Variants in ZNF292 observed in about 807,000 individuals in gnomAD.
ZNF292 encodes 16 zinc-finger domain protein.
Under a neutral mutation model 217.9 loss-of-function variants are expected in ZNF292, and 26 were observed. The observed-to-expected ratio is 0.12, with a 90% CI of 0.09 to 0.17. The LOEUF is 0.17. ZNF292 is among the 10% of genes least tolerant of loss of function. ZNF292 has a pLI of 1.00. For missense variants in ZNF292, 2,904 were observed against 3,175.2 expected, an observed-to-expected ratio of 0.91 and a Z score of 2.05; for synonymous variants, 1,257 against 1,124.1, an observed-to-expected ratio of 1.12 and a Z score of -2.37.
At chr6:87,226,844 A>G (rs922530743) in intron 4 of ZNF292, among the ~76,000 whole-genome samples, 4 of 151,518 alleles carry the variant, frequency 2.6e-5, no homozygotes, top group African/African-American at 9.7e-5. Context: ...ATGCCCAGCT[A>G]ATTTTTTATA....
chr6:87,186,757 G>T (rs1185178276), intron 1 of ZNF292, among the ~76,000 whole-genome samples: 1 of 152,172 alleles, frequency 6.6e-6, no homozygotes, highest in South Asian at 2.1e-4. Context: ...AAACAGGCAG[G>T]GAAGTACAGG....
At chr6:87,222,778 C>G (rs1194036800) in intron 4 of ZNF292, 4 of 451,158 alleles carry the variant, frequency 8.9e-6, no homozygotes, top group South Asian at 6.2e-5. Flanking sequence ...AGGATTCCAT[C>G]CAGGATACCA....
At position 87,259,829 on chromosome 6, in the gene ZNF292, G is replaced by A. The variant is rs772403205; in HGVS notation, c.6200G>A (p.Cys2067Tyr). 1 of 1,612,304 alleles carries A rather than the reference G, an allele frequency of 6.2e-7. No homozygotes were observed. The highest frequency in any genetic ancestry group is 1.7e-4 in the Middle Eastern group (1 of 6,056). ...GTGATTACAGTTACTTCAGAACAAT[G>A]TAATACAAATGCACTCACAAACACA... ...LQVITVTSEQ[C>Y]NTNALTNTQT... The change falls in exon 8 of 8, where the codon TGT becomes TAT. Residue 2067 changes from cysteine (C) to tyrosine (Y), a missense_variant. Coordinates refer to ENST00000369577, the MANE Select transcript of ZNF292 (RefSeq NM_015021.3).
chr6:87,245,681 G>A (rs773039182), intron 7 of ZNF292, 37 bp downstream of exon 7: 8 of 1,278,714 alleles, frequency 6.3e-6, no homozygotes, highest in South Asian at 3.1e-5. Flanking sequence ...GTTAAAATGT[G>A]TACATTATCA....
chr6:87,256,124 G>A lies in ZNF292; in HGVS notation c.2495G>A (p.Ser832Asn). Reference sequence around the variant, plus strand: ...CTGGAAAAGCATCTGGATGATCACAGTACTCCTCCTGAAAAAGTGCTGCCT... The same window carrying A: ...CTGGAAAAGCATCTGGATGATCACAATACTCCTCCTGAAAAAGTGCTGCCT... ...GELEKHLDDHSTPPEKVLPPE... is the reference protein window; with the variant it reads ...GELEKHLDDHNTPPEKVLPPE... Residue 832 changes from serine to asparagine, a missense_variant, in exon 8 of 8, where the codon AGT becomes AAT. Transcript: ENST00000369577. 1 of 1,613,658 alleles carries A rather than the reference G, an allele frequency of 6.2e-7. No homozygotes were observed. The highest frequency in any genetic ancestry group is 8.5e-7 in the Non-Finnish European group (1 of 1,179,766).
Position 87,259,760 on chromosome 6 carries a change from T to G in ZNF292, c.6131T>G (p.Leu2044Arg), listed in dbSNP as rs1775454582. 6.2e-7 allele frequency: 1 copy of G among 1,602,400 alleles called. No individual in the cohort carries two copies. The highest frequency in any genetic ancestry group is 8.5e-7 in the Non-Finnish European group (1 of 1,174,306). The part of the protein sequence containing the change: ...SNVAVIPEKQ[L>R]VEKKSPDKTE... The stretch of plus-strand genomic sequence containing the variant: ...GTAGCAGTGATCCCAGAAAAACAAC[T>G]TGTAGAAAAAAAAAGTCCTGACAAA... Residue 2044 changes from leucine to arginine, a missense_variant, in exon 8 of 8, where the codon CTT (leucine) becomes CGT (arginine). This residue lies in a region of ZNF292 where 261 missense variants were observed against 272.8 expected (regional missense o/e 0.96). Coordinates refer to ENST00000369577, the MANE Select transcript of ZNF292 (RefSeq NM_015021.3).
At chr6:87,254,572 A>G in intron 7 of ZNF292, 78 bp from the exon 8 acceptor site, 1 of 1,376,160 alleles carries the variant, frequency 7.3e-7, no homozygotes, top group South Asian at 1.4e-5. Flanking sequence ...AACAAATCTC[A>G]ATCTTAACTA....
intron 1 of ZNF292, among the ~76,000 whole-genome samples, chr6:87,194,221 A>G (rs1771896368): frequency 6.6e-6 from 1 of 152,212 alleles, no homozygotes. Context: ...AGGGAAAAGA[A>G]AGGGGAGATT....
chr6:87,264,675 C>A lies in ZNF292; in HGVS notation c.*2874C>A, dbSNP rs554415951. ...TAATTGCGGTATTGCCAGTGGGCCA[C>A]TTGGAAAGATAGGAAGTTGAAGAAG... On this transcript the variant is annotated 3_prime_UTR_variant, in exon 8 of 8. Transcript: ENST00000369577. Among the ~76,000 whole-genome samples the A allele has an allele frequency of 1.3e-5, 2 of 152,164 alleles. No homozygotes were observed. Among genetic ancestry groups the A allele is most frequent in the South Asian group, 4.1e-4 (2 of 4,826 alleles).
At chr6:87,244,289 A>G (rs1361994541) in intron 6 of ZNF292, among the ~76,000 whole-genome samples, 6 of 152,244 alleles carry the variant, frequency 3.9e-5, no homozygotes, top group Non-Finnish European at 5.9e-5. Context: ...GAGCCTCGTT[A>G]TGAAGGAAAA....
intron 1 of ZNF292, among the ~76,000 whole-genome samples, chr6:87,170,958 T>C (rs1771076623): frequency 6.6e-6 from 1 of 152,214 alleles, no homozygotes; most frequent in South Asian, 2.1e-4. Context: ...CATTTACACT[T>C]AGACTACTTT....
intron 5 of ZNF292, among the ~76,000 whole-genome samples, chr6:87,235,351 C>A (rs1277031823): frequency 1.3e-5 from 2 of 152,108 alleles, no homozygotes; most frequent in Non-Finnish European, 2.9e-5. Context: ...GTTCATCTGA[C>A]CTCCCTTCCC....
rs369791289 is a variant in ZNF292, at chr6:87,258,713, A to G, written c.5084A>G (p.Asn1695Ser). 6.4e-5 allele frequency: 104 copies of G among 1,613,242 alleles called. No individual in the cohort carries two copies. The highest frequency in any genetic ancestry group is 8.4e-5 in the Non-Finnish European group (99 of 1,179,618). ...ACACAGAAATTAAATAATGTTAACA[A>G]TCAGTTATTTATGACTGATGTAAAA... Reference protein sequence around the residue: ...NLTQKLNNVNNQLFMTDVKEN... With the variant: ...NLTQKLNNVNSQLFMTDVKEN... The change falls in exon 8 of 8, where the codon AAT (asparagine) becomes AGT (serine). Residue 1695 changes from asparagine (N) to serine (S), a missense_variant. By Grantham distance (46) the Asn-to-Ser change is conservative. Transcript: ENST00000369577.
At position 87,155,637 on chromosome 6, in the gene ZNF292, G is replaced by A. The variant is rs774726604; in HGVS notation, c.46G>A (p.Gly16Ser). 4.4e-6 allele frequency: 7 copies of A among 1,582,792 alleles called. No individual in the cohort carries two copies. The highest frequency in any genetic ancestry group is 1.2e-5 in the South Asian group (1 of 86,686). ...AEQERLSCGE[G>S]GCVAELQRLG... is the part of the protein sequence containing the mutation. ...GCAGGAGAGGTTGAGTTGCGGCGAA[G>A]GCGGCTGCGTCGCGGAGCTGCAGCG... The change falls in exon 1 of 8, where the codon GGC becomes AGC. Residue 16 changes from glycine (G) to serine (S), a missense_variant. Physicochemically the swap from Gly to Ser is moderately conservative, Grantham distance 56 (BLOSUM62 0). Transcript: ENST00000369577.
intron 1 of ZNF292, among the ~76,000 whole-genome samples, chr6:87,209,265 A>T (rs962085827): frequency 1.3e-5 from 2 of 152,070 alleles, no homozygotes; most frequent in Non-Finnish European, 2.9e-5. Flanking sequence ...AGTCTTACAT[A>T]TGCTTTCCAG....
rs747490570 is a variant in ZNF292 at position 87,243,546 on chromosome 6, C to T, written c.813C>T (p.Ser271=). 56 of 1,559,036 alleles carry T rather than the reference C, an allele frequency of 3.6e-5. No homozygotes were observed. Among genetic ancestry groups the T allele is most frequent in the Middle Eastern group, 1.7e-4 (1 of 6,012 alleles). ...CNLESEGDEK[S]ALVLCTAFLS... is the part of the protein sequence containing the mutation. ...TAGAATCTGAGGGTGATGAAAAAAG[C>T]GCTCTTGTTTTATGTACTGCGTTTT... Residue 271 remains serine (S), a synonymous_variant, in exon 6 of 8, where the codon AGC becomes AGT. Coordinates refer to ENST00000369577, the MANE Select transcript of ZNF292 (RefSeq NM_015021.3).
chr6:87,234,660 T>A (rs917863862), intron 5 of ZNF292, among the ~76,000 whole-genome samples: 1 of 152,052 alleles, frequency 6.6e-6, no homozygotes, highest in Non-Finnish European at 1.5e-5. Flanking sequence ...TAATAACATA[T>A]CCTTTGACTC....
chr6:87,234,823 C>CAGA (rs1242228927), intron 5 of ZNF292, among the ~76,000 whole-genome samples: 2 of 151,964 alleles, frequency 1.3e-5, no homozygotes, highest in African/African-American at 4.8e-5. Context: ...TAGCCTCATA[C>CAGA]AGAAAGCTCA....
intron 1 of ZNF292, among the ~76,000 whole-genome samples, chr6:87,210,295 C>A (rs1221345041): frequency 2.0e-5 from 3 of 151,942 alleles, no homozygotes; most frequent in African/African-American, 7.3e-5. Flanking sequence ...TAAACAGATA[C>A]ATAGTTTAAT....
Sources: gnomAD v4.1 joint callset for allele counts (sites outside exome capture counted in the v4.1 genomes callset) on GRCh38, gnomAD v4.1.1 for gene constraint, gnomAD v4.1.1 regional missense constraint, MANE v1.5 for transcripts, NCBI Gene and HGNC (gene_info 2026-07-23, HGNC 2026-07-21) for gene names.